PLCXD3: variants seen among roughly 807,000 people sequenced by gnomAD.
The protein encoded by PLCXD3 is phosphatidylinositol specific phospholipase C X domain containing 3.
In PLCXD3, 19 loss-of-function variants were observed where a neutral mutation model predicts 25.5. The ratio of observed to expected loss-of-function variants is 0.75; its 90% CI spans 0.52 to 1.09. The LOEUF is 1.09. Among genes scored for constraint, PLCXD3 ranks in the 50% least tolerant of loss-of-function variants. The pLI is 0.00. For missense variants in PLCXD3, 411 were observed against 388.1 expected (o/e 1.06, Z -0.50); for synonymous variants, 174 against 137.6 (o/e 1.26, Z -1.85).
At chr5:41,391,678 CA>C (rs1397628283) in intron 1 of PLCXD3, among the ~76,000 whole-genome samples, 2 of 152,108 alleles carry the variant, frequency 1.3e-5, no homozygotes, top group Non-Finnish European at 2.9e-5. Context: ...TTGAGAAAAG[CA>C]AAGGGGATTT....
intron 1 of PLCXD3, among the ~76,000 whole-genome samples, chr5:41,444,309 C>T (rs1383590617): frequency 2.6e-5 from 4 of 152,076 alleles, no homozygotes. Context: ...CTGAGGATGG[C>T]AAAGTTAGAA....
intron 1 of PLCXD3, among the ~76,000 whole-genome samples, chr5:41,421,020 T>C (rs1281276877): frequency 6.6e-6 from 1 of 152,214 alleles, no homozygotes; most frequent in African/African-American, 2.4e-5. Context: ...GATATCCTTT[T>C]ACTCTCCTAA....
chr5:41,467,981 T>A (rs1450721780), intron 1 of PLCXD3, among the ~76,000 whole-genome samples: 1 of 146,636 alleles, frequency 6.8e-6, no homozygotes, highest in African/African-American at 2.5e-5. Flanking sequence ...TGTTTTGAAA[T>A]CAGGAGTGTG....
Position 41,308,761 on chromosome 5 carries a change from A to G in PLCXD3, c.*4856T>C, listed in dbSNP as rs1218023934. On this transcript the variant is annotated 3_prime_UTR_variant, in exon 3 of 3. Transcript: ENST00000377801. ...TTTTTCATGGAAAATTTATCATTAA[A>G]GAAAAATGGGTGCCATGTTGGGAAG... 3 of 152,182 alleles carry G rather than the reference A, an allele frequency of 2.0e-5. No homozygotes were observed. The South Asian group carries it at 6.2e-4, about 32-fold the overall frequency. The allele number at this position is 152,182 out of a possible 1,614,324, so 9.4% of individuals were successfully genotyped here. A position where few individuals can be genotyped will look rare whatever the true frequency, so the allele number is the denominator to read the frequency against.
rs937866238 is a variant in PLCXD3, at chr5:41,476,534, A to G, written c.103+33890T>C. ...TTTTCTGGTTGGCAACATCTTATAC[A>G]TGTTGTCTCCATTTGTTGCTGAGAG... On this transcript the variant is annotated intron_variant, in intron 1 of 2. Coordinates refer to ENST00000377801, the MANE Select transcript of PLCXD3 (RefSeq NM_001005473.3). Among the ~76,000 whole-genome samples the G allele has an allele frequency of 2.6e-5, 4 of 152,274 alleles. No homozygotes were observed. In the East Asian group the frequency reaches 5.8e-4, roughly 22 times the overall value.
At chr5:41,394,502 G>T (rs932209645) in intron 1 of PLCXD3, among the ~76,000 whole-genome samples, 3 of 152,054 alleles carry the variant, frequency 2.0e-5, no homozygotes, top group African/African-American at 7.2e-5. Context: ...AGTAAATTCT[G>T]CAGTCAACAG....
chr5:41,495,195 G>C (rs537020586), intron 1 of PLCXD3, among the ~76,000 whole-genome samples: 113 of 152,378 alleles, frequency 7.4e-4, no homozygotes, highest in Non-Finnish European at 1.5e-3. Context: ...TCCGTAGGGA[G>C]AGAAAGAGGA....
chr5:41,417,442 GT>G (rs1425819729), intron 1 of PLCXD3, among the ~76,000 whole-genome samples: 1 of 152,172 alleles, frequency 6.6e-6, no homozygotes, highest in African/African-American at 2.4e-5. Context: ...ACCAAGAGAG[GT>G]TAGAGAAGGC....
At chr5:41,419,843 C>T (rs759258017) in intron 1 of PLCXD3, among the ~76,000 whole-genome samples, 2 of 152,134 alleles carry the variant, frequency 1.3e-5, no homozygotes, top group Non-Finnish European at 1.5e-5. Flanking sequence ...TGAGGTAATA[C>T]ATGGAAAACA....
intron 1 of PLCXD3, among the ~76,000 whole-genome samples, chr5:41,442,091 C>G (rs1747397680): frequency 6.6e-6 from 1 of 152,202 alleles, no homozygotes; most frequent in South Asian, 2.1e-4. Flanking sequence ...ATTCTAGACT[C>G]TTATTGAGAT....
At chr5:41,413,026 A>G (rs1023941579) in intron 1 of PLCXD3, among the ~76,000 whole-genome samples, 2 of 152,230 alleles carry the variant, frequency 1.3e-5, no homozygotes, top group African/African-American at 4.8e-5. Flanking sequence ...TTTTCTAATG[A>G]TCCTAAGTTG....
chr5:41,491,609 T>A (rs955653013), intron 1 of PLCXD3, among the ~76,000 whole-genome samples: 1 of 152,114 alleles, frequency 6.6e-6, no homozygotes, highest in Non-Finnish European at 1.5e-5. Context: ...TTTATGAATC[T>A]GGGTGCTCCT....
chr5:41,423,851 A>G lies in PLCXD3; in HGVS notation c.104-41317T>C, dbSNP rs534708365. Among the ~76,000 whole-genome samples the G allele has an allele frequency of 2.6e-5, 4 of 152,302 alleles. No individual in the cohort carries two copies. The East Asian group carries it at 7.7e-4, about 29-fold the overall frequency. On this transcript the variant is annotated intron_variant, in intron 1 of 2. Transcript: ENST00000377801. Reference sequence around the variant, plus strand: ...TATATTTGAAAAATAAAAACTGTATATATTTAAGGTGTACAACTTGATGTT... The same window carrying G: ...TATATTTGAAAAATAAAAACTGTATGTATTTAAGGTGTACAACTTGATGTT...
At chr5:41,410,886 T>C (rs917105300) in intron 1 of PLCXD3, among the ~76,000 whole-genome samples, 1 of 152,212 alleles carries the variant, frequency 6.6e-6, no homozygotes, top group Non-Finnish European at 1.5e-5. Context: ...GATATCTTTT[T>C]TATGCCACCT....
intron 2 of PLCXD3, among the ~76,000 whole-genome samples, chr5:41,365,803 T>C (rs1014083393): frequency 6.6e-6 from 1 of 152,162 alleles, no homozygotes; most frequent in African/African-American, 2.4e-5. Flanking sequence ...TAATGTTTCA[T>C]TCACTTTTCC....
At chr5:41,424,271 C>A (rs192749101) in intron 1 of PLCXD3, among the ~76,000 whole-genome samples, 1 of 151,628 alleles carries the variant, frequency 6.6e-6, no homozygotes, top group Non-Finnish European at 1.5e-5. Flanking sequence ...TGGCTGGGCG[C>A]GGTGGCTCAC....
At chr5:41,404,229 T>C (rs1400804519) in intron 1 of PLCXD3, among the ~76,000 whole-genome samples, 1 of 152,170 alleles carries the variant, frequency 6.6e-6, no homozygotes, top group South Asian at 2.1e-4. Flanking sequence ...GCTCCAGTTT[T>C]CTAATTTGGT....
intron 1 of PLCXD3, among the ~76,000 whole-genome samples, chr5:41,399,995 A>G (rs543052200): frequency 1.1e-3 from 160 of 152,282 alleles, no homozygotes; most frequent in Non-Finnish European, 1.7e-3. Flanking sequence ...CTGTATAGGA[A>G]TAAAGCTAAT....
At chr5:41,431,342 G>A (rs1747096518) in intron 1 of PLCXD3, among the ~76,000 whole-genome samples, 1 of 152,070 alleles carries the variant, frequency 6.6e-6, no homozygotes, top group Admixed American at 6.6e-5. Context: ...TTATGCTAAG[G>A]GTTTGCAAAG....
Sources: allele counts gnomAD v4.1 joint callset (sites outside exome capture counted in the v4.1 genomes callset), GRCh38; gene constraint gnomAD v4.1.1; transcripts MANE v1.5; gene names NCBI Gene and HGNC (gene_info 2026-07-23, HGNC 2026-07-21).